Variants in DTX2 observed in about 807,000 individuals in gnomAD.
DTX2 encodes probable E3 ubiquitin-protein ligase DTX2.
In DTX2, 29 loss-of-function variants were observed where a neutral mutation model predicts 55.3. The ratio of observed to expected loss-of-function variants is 0.52; its 90% CI spans 0.39 to 0.71. DTX2 has a LOEUF of 0.71. Ranked by LOEUF, DTX2 falls within the 30% of genes least tolerant of loss-of-function variation. The pLI is 0.00. For missense variants in DTX2, 537 were observed against 822.5 expected (o/e 0.65, Z 4.25); for synonymous variants, 276 against 340.4 (o/e 0.81, Z 2.08).
Position 76,500,972 on chromosome 7 carries a change from G to A in DTX2, c.1230+452G>A, listed in dbSNP as rs573861778. Among the ~76,000 whole-genome samples, 2 of 152,278 alleles carry A rather than the reference G, an allele frequency of 1.3e-5. 1 individual carries two copies. Among genetic ancestry groups the A allele is most frequent in the South Asian group, 4.1e-4 (2 of 4,824 alleles). On this transcript the variant is annotated intron_variant, in intron 7 of 10. Transcript: ENST00000430490. ...GTGCACACTGTCGCCCAGGCTCAGT[G>A]CAGTGGCGTGATCACAGCTCACTGC...
chr7:76,471,450 C>T (rs1304292015), intron 2 of DTX2, among the ~76,000 whole-genome samples: 37 of 150,826 alleles, frequency 2.5e-4, no homozygotes, highest in African/African-American at 5.9e-4. Flanking sequence ...TGTGAGCCAC[C>T]GCGCCCAGCC....
At chr7:76,501,888 CTTT>C (rs1259097270) in intron 7 of DTX2, 52 of 149,498 alleles carry the variant, frequency 3.5e-4, no homozygotes, top group Middle Eastern at 3.0e-3. Flanking sequence ...GTGGAATGGA[CTTT>C]TTTTTTTTTT....
intron 4 of DTX2, 132 bp from the exon 5 acceptor site, chr7:76,492,021 A>G: frequency 2.0e-6 from 1 of 492,248 alleles, no homozygotes; most frequent in Non-Finnish European, 3.5e-6. Flanking sequence ...AGGCCTCCAC[A>G]CAGGCACCCA....
chr7:76,463,076 AAAAC>A (rs1416086586), intron 1 of DTX2, among the ~76,000 whole-genome samples: 1 of 118,674 alleles, frequency 8.4e-6, no homozygotes, highest in Non-Finnish European at 1.7e-5. Flanking sequence ...CAAAAAACAA[AAAAC>A]AAACAAACTA....
intron 6 of DTX2, among the ~76,000 whole-genome samples, chr7:76,499,011 A>AGT (rs377529609): frequency 0.02 from 222 of 10,960 alleles, 3 homozygotes; most frequent in Middle Eastern, 0.062. Context: ...GGTGTGTAGA[A>AGT]GTGTGGGGTG....
chr7:76,476,569 C>T (rs1251122953), intron 2 of DTX2, among the ~76,000 whole-genome samples: 1 of 150,230 alleles, frequency 6.7e-6, no homozygotes, highest in Admixed American at 6.7e-5. Context: ...CTGCGCCGTG[C>T]ACACAAGGGT....
At chr7:76,465,733 A>C (rs1316281345) in intron 2 of DTX2, among the ~76,000 whole-genome samples, 1 of 151,278 alleles carries the variant, frequency 6.6e-6, no homozygotes, top group Non-Finnish European at 1.5e-5. Flanking sequence ...AGCACCTGCC[A>C]CCATGCCTGG....
chr7:76,478,449 C>G (rs1808789242), intron 2 of DTX2, among the ~76,000 whole-genome samples: 1 of 146,132 alleles, frequency 6.8e-6, no homozygotes, highest in African/African-American at 2.6e-5. Flanking sequence ...GGTGGGACCT[C>G]TTGTCACCGA....
chr7:76,472,899 CTA>C (rs1808112263), intron 2 of DTX2, among the ~76,000 whole-genome samples: 1 of 152,218 alleles, frequency 6.6e-6, no homozygotes, highest in Non-Finnish European at 1.5e-5. Context: ...CAAAATTTTT[CTA>C]TAATTTTCTG....
rs1810247873 is a variant in DTX2, at chr7:76,489,934, G to A, written c.909-2219G>A. 1.5e-5 allele frequency among the ~76,000 whole-genome samples: 2 copies of A among 130,624 alleles called. 1 individual carries two copies. The highest frequency in any genetic ancestry group is 5.5e-5 in the African/African-American group (2 of 36,214). 85.7% of individuals were successfully genotyped at this position (130,624 alleles called of 152,430 possible). On this transcript the variant is annotated intron_variant, in intron 4 of 10. Transcript: ENST00000430490. ...CTTTATTTTATGGTAATTAAGTTCC[G>A]GAAAAGTTAACAAAAGTAGTTGGGT...
Position 76,505,576 on chromosome 7 carries a change from C to T in DTX2, c.1844C>T (p.Thr615Ile), listed in dbSNP as rs778463778. The change falls in exon 11 of 11, where the codon ACC (threonine) becomes ATC (isoleucine). Residue 615 changes from threonine (T) to isoleucine (I), a missense_variant. By Grantham distance (89) the Thr-to-Ile change is moderately conservative. Coordinates refer to ENST00000430490, the MANE Select transcript of DTX2 (RefSeq NM_001102594.3). This position sits in a 1 kb window ranked among gnomAD's most constrained non-coding sequence, Gnocchi z 4.4. ...VLAELAAQGV[T>I]EDCLEQQ Reference sequence around the variant, plus strand: ...GCTGAGCTGGCTGCCCAGGGGGTGACCGAGGACTGCCTGGAGCAGCAGTGA... The same window carrying T: ...GCTGAGCTGGCTGCCCAGGGGGTGATCGAGGACTGCCTGGAGCAGCAGTGA... 6.3e-7 allele frequency: 1 copy of T among 1,582,898 alleles called. No homozygotes were observed. The highest frequency in any genetic ancestry group is 8.6e-7 in the Non-Finnish European group (1 of 1,167,726).
intron 2 of DTX2, chr7:76,474,649 C>G (rs1808344244): frequency 6.6e-6 from 1 of 151,934 alleles, no homozygotes; most frequent in South Asian, 2.1e-4. Context: ...GAGTTGAGTA[C>G]CTGTTTAAAA....
At position 76,496,161 on chromosome 7, in the gene DTX2, G is replaced by A. The variant is rs1370883734; in HGVS notation, c.1010-1176G>A. On this transcript the variant is annotated intron_variant, in intron 5 of 10. Transcript: ENST00000430490. ...CACTGCAACTCACCCTGCCCACCTCGGCTCTGCTGCCCAGGCTGGTGGCTG... is the reference window on the plus strand; with the variant it reads ...CACTGCAACTCACCCTGCCCACCTCAGCTCTGCTGCCCAGGCTGGTGGCTG... 2.5e-4 allele frequency among the ~76,000 whole-genome samples: 21 copies of A among 84,128 alleles called. 8 individuals carry two copies. Among genetic ancestry groups the A allele is most frequent in the Admixed American group, 6.7e-4 (6 of 8,936 alleles). The allele number at this position is 84,128 out of a possible 152,430, so 55.2% of individuals were successfully genotyped here.
At position 76,463,210 on chromosome 7, in the gene DTX2, G is replaced by A. The variant is rs1414849187; in HGVS notation, c.-254-335G>A. On this transcript the variant is annotated intron_variant, in intron 1 of 10. Coordinates refer to ENST00000430490, the MANE Select transcript of DTX2 (RefSeq NM_001102594.3). Reference sequence around the variant, plus strand: ...GGAGAGTAGCTTGAACCTGGGAGGCGGAGGCTGCAGTGAGCCGAGATCACG... The same window carrying A: ...GGAGAGTAGCTTGAACCTGGGAGGCAGAGGCTGCAGTGAGCCGAGATCACG... 1.6e-3 allele frequency among the ~76,000 whole-genome samples: 231 copies of A among 148,046 alleles called. 2 individuals are homozygous for A. In the South Asian group the frequency reaches 0.044, roughly 28 times the overall value.
Position 76,501,397 on chromosome 7 carries a change from G to C in DTX2, c.1230+877G>C, listed in dbSNP as rs960157775. 20 of 400,250 alleles carry C rather than the reference G, an allele frequency of 5.0e-5. No individual in the cohort carries two copies. In the Admixed American group the frequency reaches 6.0e-4, roughly 12 times the overall value. 24.8% of individuals were successfully genotyped at this position (400,250 alleles called of 1,614,324 possible). On this transcript the variant is annotated intron_variant, in intron 7 of 10. Transcript: ENST00000430490. Reference sequence around the variant, plus strand: ...CCTGCCCAGCGCTCAGCTCTGTCTCGGCCCTGGTGTCCATCTGGTGTGACT... The same window carrying C: ...CCTGCCCAGCGCTCAGCTCTGTCTCCGCCCTGGTGTCCATCTGGTGTGACT...
At position 76,505,441 on chromosome 7, in the gene DTX2, C is replaced by T. The variant is rs545347146; in HGVS notation, c.1709C>T (p.Thr570Met). The change falls in exon 11 of 11, where the codon ACG (threonine) becomes ATG (methionine). Residue 570 changes from threonine to methionine, a missense_variant. Transcript: ENST00000430490. The surrounding 1 kb of genome is among the most constrained non-coding windows in gnomAD (Gnocchi z 4.4). ...TTCACAGTGGGCACGTCCAGCACCA[C>T]GGGTGAGACGGACACCGTGGTATGG... ...LIFTVGTSST[T>M]GETDTVVWNE... 8.1e-6 allele frequency: 13 copies of T among 1,604,488 alleles called. No homozygotes were observed. Among genetic ancestry groups the T allele is most frequent in the East Asian group, 2.3e-5 (1 of 44,350 alleles).
chr7:76,500,736 C>A (rs1192835423), intron 7 of DTX2, among the ~76,000 whole-genome samples: 4 of 151,574 alleles, frequency 2.6e-5, no homozygotes, highest in Non-Finnish European at 5.9e-5. Flanking sequence ...CTGAGCAAAG[C>A]CCCTCCTCTC....
intron 2 of DTX2, among the ~76,000 whole-genome samples, chr7:76,468,825 C>T (rs182057291): frequency 0.014 from 1,954 of 134,918 alleles, 34 homozygotes; most frequent in Non-Finnish European, 0.02. Context: ...TACAGTGGCA[C>T]AGTCTCGGCT....
intron 5 of DTX2, 110 bp downstream of exon 5, chr7:76,492,363 G>C: frequency 8.0e-7 from 1 of 1,248,014 alleles, no homozygotes; most frequent in Non-Finnish European, 1.1e-6. Context: ...GAGAGCCAAA[G>C]GGGCTCCCTG....
Sources: gnomAD v4.1 joint callset for allele counts (sites outside exome capture counted in the v4.1 genomes callset) on GRCh38, gnomAD v4.1.1 for gene constraint, Gnocchi (gnomAD v3.1) non-coding constraint, MANE v1.5 for transcripts, NCBI Gene and HGNC (gene_info 2026-07-23, HGNC 2026-07-21) for gene names.